Variants in CAST observed in about 807,000 individuals in gnomAD.
CAST encodes the protein MIR583 host.
CAST carries 76 observed loss-of-function variants against 119.6 expected under a neutral mutation model. That is an observed-to-expected ratio of 0.64 (90% CI 0.53 to 0.77). The LOEUF is 0.77. CAST is among the 30% of genes least tolerant of loss of function. CAST has a pLI of 0.00. For missense variants in CAST, 953 were observed against 946.5 expected (o/e 1.01, Z -0.09); for synonymous variants, 319 against 331.6 (o/e 0.96, Z 0.41).
the CAST span, among the ~76,000 whole-genome samples, chr5:96,251,557 A>G: frequency 1.3e-5 from 2 of 152,190 alleles, no homozygotes; most frequent in Non-Finnish European, 2.9e-5. Context: ...TGCTTGATCT[A>G]CAAGGAGTTG....
At chr5:96,026,166 C>A in the CAST span, among the ~76,000 whole-genome samples, 3 of 152,130 alleles carry the variant, frequency 2.0e-5, no homozygotes, top group African/African-American at 7.2e-5. Context: ...TACAGTAAAC[C>A]TTGATTGTGC....
At chr5:96,186,085 C>G in the CAST span, among the ~76,000 whole-genome samples, 1 of 152,016 alleles carries the variant, frequency 6.6e-6, no homozygotes, top group Non-Finnish European at 1.5e-5. Context: ...TAGCTGTATT[C>G]ATAGATATTT....
chr5:96,704,646 C>T (rs990462512), intron 3 of CAST, among the ~76,000 whole-genome samples: 2 of 152,134 alleles, frequency 1.3e-5, no homozygotes, highest in Non-Finnish European at 1.5e-5. Context: ...TTTGTATCTC[C>T]TCTTTCATTA....
chr5:96,410,242 T>TC, the CAST span, among the ~76,000 whole-genome samples: 1 of 152,034 alleles, frequency 6.6e-6, no homozygotes, highest in Admixed American at 6.6e-5. Flanking sequence ...GCATACGACC[T>TC]CCCCGAGCTG....
the CAST span, among the ~76,000 whole-genome samples, chr5:96,257,469 A>C: frequency 1.3e-5 from 2 of 152,330 alleles, no homozygotes; most frequent in Admixed American, 6.5e-5. Flanking sequence ...TGTTAAATAA[A>C]GTGGGGATAT....
intron 16 of CAST, among the ~76,000 whole-genome samples, chr5:96,745,309 TA>T (rs1453235036): frequency 6.6e-6 from 1 of 152,232 alleles, no homozygotes; most frequent in African/African-American, 2.4e-5. Flanking sequence ...CCTGGTCCAT[TA>T]AAAGTGCTCA....
At chr5:96,356,097 G>A in the CAST span, among the ~76,000 whole-genome samples, 5 of 152,132 alleles carry the variant, frequency 3.3e-5, no homozygotes, top group Non-Finnish European at 7.4e-5. Flanking sequence ...GTGATTATTA[G>A]CTTTTTTAAA....
At chr5:96,387,161 A>G in the CAST span, among the ~76,000 whole-genome samples, 2 of 152,304 alleles carry the variant, frequency 1.3e-5, no homozygotes, top group Admixed American at 1.3e-4. Flanking sequence ...ATTCAGATTC[A>G]TTTGTGGCTG....
the CAST span, among the ~76,000 whole-genome samples, chr5:96,168,142 A>G: frequency 6.6e-6 from 1 of 152,056 alleles, no homozygotes; most frequent in East Asian, 1.9e-4. Context: ...TGATAGGTGG[A>G]AGTTTCAGTG....
the CAST span, among the ~76,000 whole-genome samples, chr5:96,116,969 T>A: frequency 2.0e-5 from 3 of 152,208 alleles, no homozygotes; most frequent in African/African-American, 7.2e-5. Context: ...ACATGGCAAC[T>A]TGAACTTTGT....
chr5:96,061,824 C>T, the CAST span, among the ~76,000 whole-genome samples: 1 of 151,856 alleles, frequency 6.6e-6, no homozygotes, highest in Non-Finnish European at 1.5e-5. Context: ...GGGAGTAAGC[C>T]CTTAGTGTGA....
chr5:96,160,043 G>A, the CAST span, among the ~76,000 whole-genome samples: 1 of 151,902 alleles, frequency 6.6e-6, no homozygotes, highest in Non-Finnish European at 1.5e-5. Context: ...GGGAGCCTGA[G>A]GCATGAGAAT....
At chr5:96,166,268 C>T in the CAST span, among the ~76,000 whole-genome samples, 480 of 152,270 alleles carry the variant, frequency 3.2e-3, 1 homozygote, top group Non-Finnish European at 3.8e-3. Context: ...TTTTAATTTT[C>T]TGATAATTTA....
the CAST span, among the ~76,000 whole-genome samples, chr5:96,325,178 T>G: frequency 1.2e-4 from 18 of 152,132 alleles, no homozygotes; most frequent in African/African-American, 3.9e-4. Context: ...CACTCCAGAC[T>G]GGGTGACAGA....
the CAST span, among the ~76,000 whole-genome samples, chr5:96,488,072 GT>G: frequency 6.6e-6 from 1 of 152,122 alleles, no homozygotes; most frequent in African/African-American, 2.4e-5. Context: ...AATATCATCT[GT>G]TACTGTAATT....
the CAST span, among the ~76,000 whole-genome samples, chr5:96,105,820 C>G: frequency 1.3e-5 from 2 of 152,154 alleles, no homozygotes; most frequent in African/African-American, 4.8e-5. Context: ...GTACCAGTTC[C>G]TCCTTGTACC....
chr5:96,700,909 G>C (rs1753796456), intron 3 of CAST, among the ~76,000 whole-genome samples: 1 of 152,062 alleles, frequency 6.6e-6, no homozygotes, highest in Admixed American at 6.5e-5. Context: ...CTGACTTACA[G>C]CAGAAGAATC....
At chr5:96,537,291 T>C (rs1745838686) in intron 1 of CAST, among the ~76,000 whole-genome samples, 1 of 152,226 alleles carries the variant, frequency 6.6e-6, no homozygotes. Context: ...CCAAAAGATA[T>C]AAAACCAGTC....
the CAST span, among the ~76,000 whole-genome samples, chr5:95,993,034 G>C: frequency 1.3e-5 from 2 of 152,072 alleles, no homozygotes; most frequent in Non-Finnish European, 2.9e-5. Flanking sequence ...TTATTATACA[G>C]CTATAATAAT....
Sources: allele counts gnomAD v4.1 joint callset (sites outside exome capture counted in the v4.1 genomes callset), GRCh38; gene constraint gnomAD v4.1.1; transcripts MANE v1.5; gene names NCBI Gene and HGNC (gene_info 2026-07-23, HGNC 2026-07-21).